GLI3: variants seen among roughly 807,000 people sequenced by gnomAD.
GLI3 encodes transcription activator GLI3.
Under a neutral mutation model 100.8 loss-of-function variants are expected in GLI3, and 20 were observed. The observed-to-expected ratio is 0.20, with a 90% confidence interval of 0.14 to 0.29. The LOEUF is 0.29. Among genes scored for constraint, GLI3 ranks in the 10% least tolerant of loss-of-function variants. The pLI is 1.00. For synonymous variants in GLI3, 938 were observed against 860.5 expected, an observed-to-expected ratio of 1.09 and a Z score of -1.58; for missense variants, 2,040 against 2,128.5, an observed-to-expected ratio of 0.96 and a Z score of 0.82.
intron 4 of GLI3, among the ~76,000 whole-genome samples, chr7:42,064,863 T>C (rs1784643192): frequency 6.6e-6 from 1 of 152,202 alleles, no homozygotes. Flanking sequence ...GTGAAGTGTT[T>C]ATTTGCTAAA....
intron 3 of GLI3, chr7:42,145,678 A>G (rs1189692629): frequency 7.5e-6 from 3 of 398,198 alleles, no homozygotes; most frequent in South Asian, 1.3e-4. Flanking sequence ...CCTCACAAAC[A>G]TGACTTAGAG....
At chr7:42,051,638 T>A (rs1301650252) in intron 4 of GLI3, among the ~76,000 whole-genome samples, 1 of 152,204 alleles carries the variant, frequency 6.6e-6, no homozygotes, top group Admixed American at 6.5e-5. Context: ...ACATACTGTG[T>A]GATTTCAAAT....
intron 2 of GLI3, among the ~76,000 whole-genome samples, chr7:42,213,975 C>A (rs184334664): frequency 2.0e-5 from 3 of 152,170 alleles, no homozygotes; most frequent in Non-Finnish European, 2.9e-5. Context: ...GGCCTGCAGG[C>A]GAGCAAAGGG....
intron 3 of GLI3, among the ~76,000 whole-genome samples, chr7:42,141,631 C>T (rs2128782718): frequency 6.6e-6 from 1 of 152,180 alleles, no homozygotes; most frequent in East Asian, 1.9e-4. Context: ...AAGATCGCAC[C>T]ACTGCACTCC....
At chr7:41,970,187 A>G (rs1787328163) in intron 13 of GLI3, among the ~76,000 whole-genome samples, 1 of 152,202 alleles carries the variant, frequency 6.6e-6, no homozygotes, top group Non-Finnish European at 1.5e-5. Flanking sequence ...GGAAGTGAGA[A>G]CAAGACATTT....
chr7:42,018,711 C>T (rs1788842336), intron 10 of GLI3, among the ~76,000 whole-genome samples: 1 of 152,182 alleles, frequency 6.6e-6, no homozygotes, highest in South Asian at 2.1e-4. Context: ...ATAAAGGAAA[C>T]TTCAGCATGC....
intron 7 of GLI3, among the ~76,000 whole-genome samples, chr7:42,035,344 T>G (rs1789408413): frequency 6.6e-6 from 1 of 152,206 alleles, no homozygotes; most frequent in Non-Finnish European, 1.5e-5. Flanking sequence ...AGATGCACCC[T>G]TACTCCAGGG....
chr7:42,055,294 C>T (rs1205363953), intron 4 of GLI3, among the ~76,000 whole-genome samples: 1 of 152,056 alleles, frequency 6.6e-6, no homozygotes, highest in Non-Finnish European at 1.5e-5. Context: ...CCACGTGACC[C>T]TGAGAGGTGC....
rs553194075 is a variant in GLI3, at chr7:42,226,169, C to T, written c.-42-2874G>A. 6.6e-5 allele frequency among the ~76,000 whole-genome samples: 10 copies of T among 152,266 alleles called. No homozygotes were observed. The South Asian group carries it at 1.0e-3, about 16-fold the overall frequency. The stretch of plus-strand genomic sequence containing the variant: ...TTTACTATGCTATAATTGTTCCCTT[C>T]GACACACACATAACAGTTTTATTGG... On this transcript the variant is annotated intron_variant, in intron 1 of 14. Transcript: ENST00000395925.
At chr7:42,085,204 C>T (rs571778483) in intron 3 of GLI3, among the ~76,000 whole-genome samples, 23 of 152,136 alleles carry the variant, frequency 1.5e-4, no homozygotes, top group African/African-American at 5.1e-4. Flanking sequence ...GATCTAACTA[C>T]GGAGACCCTG....
At chr7:42,211,428 A>G (rs1032261584) in intron 2 of GLI3, among the ~76,000 whole-genome samples, 3 of 152,228 alleles carry the variant, frequency 2.0e-5, no homozygotes, top group East Asian at 1.9e-4. Flanking sequence ...GCCTAGAAAC[A>G]TTAGTATTTT....
intron 4 of GLI3, among the ~76,000 whole-genome samples, chr7:42,069,790 C>T (rs1161175364): frequency 6.6e-6 from 1 of 152,196 alleles, no homozygotes; most frequent in Non-Finnish European, 1.5e-5. Flanking sequence ...AAAGCTGCCA[C>T]AGATAATACT....
chr7:41,989,605 C>T (rs1787927609), intron 10 of GLI3, among the ~76,000 whole-genome samples: 2 of 152,142 alleles, frequency 1.3e-5, no homozygotes, highest in African/African-American at 4.8e-5. Context: ...ATTTCAGAAG[C>T]CAGATTGTAT....
intron 5 of GLI3, 40 bp downstream of exon 5, chr7:42,048,451 G>A (rs367979286): frequency 7.6e-7 from 1 of 1,312,370 alleles, no homozygotes; most frequent in African/African-American, 1.4e-5. Flanking sequence ...CGGGGAGGAG[G>A]CTGCATGATC....
chr7:42,142,377 G>T (rs1394446032), intron 3 of GLI3, among the ~76,000 whole-genome samples: 1 of 152,112 alleles, frequency 6.6e-6, no homozygotes, highest in African/African-American at 2.4e-5. Context: ...AGTGCACTAA[G>T]GGGCTAAGTG....
At chr7:42,034,582 G>A (rs1789384414) in intron 7 of GLI3, among the ~76,000 whole-genome samples, 1 of 152,066 alleles carries the variant, frequency 6.6e-6, no homozygotes, top group South Asian at 2.1e-4. Context: ...ACTGTCATCT[G>A]CTGACAGTTC....
At chr7:42,084,069 C>T (rs1228541382) in intron 3 of GLI3, among the ~76,000 whole-genome samples, 1 of 152,236 alleles carries the variant, frequency 6.6e-6, no homozygotes, top group Non-Finnish European at 1.5e-5. Context: ...GGTCTATAAA[C>T]TTCCACGGAC....
intron 6 of GLI3, among the ~76,000 whole-genome samples, chr7:42,042,013 CT>C (rs11324186): frequency 0.45 from 52,683 of 115,964 alleles, 10,387 homozygotes; most frequent in African/African-American, 0.67. Context: ...CAACGATTTC[CT>C]TTTTTTTTTT....
chr7:42,177,940 T>C (rs1787513239), intron 2 of GLI3, among the ~76,000 whole-genome samples: 1 of 152,168 alleles, frequency 6.6e-6, no homozygotes, highest in Middle Eastern at 3.2e-3. Flanking sequence ...CCCCGCTAAG[T>C]GTGGGGACCA....
Sources: allele counts gnomAD v4.1 joint callset (sites outside exome capture counted in the v4.1 genomes callset), GRCh38; gene constraint gnomAD v4.1.1; transcripts MANE v1.5; gene names NCBI Gene and HGNC (gene_info 2026-07-23, HGNC 2026-07-21).